Variants in NUP210L observed in about 807,000 individuals in gnomAD.
The protein encoded by NUP210L is nuclear pore membrane glycoprotein 210-like.
In NUP210L, 74 loss-of-function variants were observed where a neutral mutation model predicts 208.5. The observed-to-expected ratio is 0.35, with a 90% CI of 0.29 to 0.43. NUP210L has a LOEUF of 0.43. Ranked by LOEUF, NUP210L falls within the 20% of genes least tolerant of loss-of-function variation. The pLI, the probability that NUP210L is intolerant of heterozygous loss-of-function variation, is 1.00. For synonymous variants in NUP210L, 780 were observed against 816.9 expected, an observed-to-expected ratio of 0.95 and a Z score of 0.77; for missense variants, 1,843 against 2,289.4, an observed-to-expected ratio of 0.81 and a Z score of 3.98.
At chr1:154,100,022 T>C (rs1458276831) in exon 14 of NUP210L, 1 of 1,614,036 alleles carries the variant, frequency 6.2e-7, no homozygotes, top group Non-Finnish European at 8.5e-7. Context: ...AAGCAGCAAA[T>C]GTAGCACTGC....
At chr1:154,053,270 C>T (rs1653626145) in intron 25 of NUP210L, among the ~76,000 whole-genome samples, 1 of 152,196 alleles carries the variant, frequency 6.6e-6, no homozygotes, top group Admixed American at 6.5e-5. Context: ...CACTTGGAGG[C>T]TCTGTGATTT....
At chr1:154,027,102 AAAAAAAAAC>A (rs1651935446) in intron 29 of NUP210L, among the ~76,000 whole-genome samples, 1 of 149,534 alleles carries the variant, frequency 6.7e-6, no homozygotes, top group African/African-American at 2.5e-5. Flanking sequence ...AAAAACAAAA[AAAAAAAAAC>A]AAAAAACACA....
chr1:154,066,562 G>A lies in NUP210L; in HGVS notation c.2554+3711C>T, dbSNP rs547457445. Reference sequence around the variant, plus strand: ...GGAGGCGAAGCTTGCAGTGAGCTGAGATAGTGCCCCTGCACTCCGGCTTGG... The same window carrying A: ...GGAGGCGAAGCTTGCAGTGAGCTGAAATAGTGCCCCTGCACTCCGGCTTGG... On this transcript the variant is annotated intron_variant, in intron 17 of 39. Transcript: ENST00000368559. Among the ~76,000 whole-genome samples the A allele has an allele frequency of 5.9e-5, 9 of 152,346 alleles. No individual in the cohort carries two copies. The South Asian group carries it at 1.9e-3, about 32-fold the overall frequency.
At chr1:154,151,808 T>C (rs1390427403) in intron 2 of NUP210L, among the ~76,000 whole-genome samples, 2 of 151,894 alleles carry the variant, frequency 1.3e-5, no homozygotes, top group Non-Finnish European at 2.9e-5. Context: ...GAAAATGCTG[T>C]CCGGGCACGG....
intron 16 of NUP210L, among the ~76,000 whole-genome samples, chr1:154,084,855 T>C (rs1655540964): frequency 1.3e-5 from 2 of 149,078 alleles, no homozygotes; most frequent in Admixed American, 6.7e-5. Context: ...CTAATCACAG[T>C]GGAGTGAAAT....
At chr1:154,036,179 T>G (rs1015653739) in intron 27 of NUP210L, among the ~76,000 whole-genome samples, 6 of 152,078 alleles carry the variant, frequency 3.9e-5, no homozygotes, top group Non-Finnish European at 7.4e-5. Flanking sequence ...TACCCTGTGT[T>G]TGTATAGTTT....
chr1:154,154,996 A>C (rs1558016198), exon 1 of NUP210L: 1 of 1,613,800 alleles, frequency 6.2e-7, no homozygotes, highest in South Asian at 1.1e-5. Context: ...CGCAAGAAGA[A>C]AAAGAGCCCG....
At chr1:154,034,002 C>A (rs1184395171) in intron 27 of NUP210L, among the ~76,000 whole-genome samples, 1 of 152,120 alleles carries the variant, frequency 6.6e-6, no homozygotes, top group East Asian at 1.9e-4. Context: ...CAGCTCACTG[C>A]AACCTCTGCC....
chr1:154,070,297 C>T, exon 17 of NUP210L: 1 of 1,609,102 alleles, frequency 6.2e-7, no homozygotes, highest in East Asian at 2.2e-5. Flanking sequence ...TGCCCACTGC[C>T]ATCATCTTTT....
chr1:154,138,341 AT>A, intron 5 of NUP210L, 103 bp from the exon 6 acceptor site: 1 of 1,050,974 alleles, frequency 9.5e-7, no homozygotes, highest in Non-Finnish European at 1.3e-6. Flanking sequence ...TTCTTTTAAA[AT>A]TTTTTATAAA....
At chr1:154,056,535 C>A (rs940243556) in intron 23 of NUP210L, among the ~76,000 whole-genome samples, 11 of 152,070 alleles carry the variant, frequency 7.2e-5, no homozygotes, top group Non-Finnish European at 1.5e-4. Context: ...CTACTTTAGC[C>A]TCTTGAGTAG....
At chr1:154,050,448 T>C (rs1255990856) in intron 25 of NUP210L, among the ~76,000 whole-genome samples, 1 of 152,202 alleles carries the variant, frequency 6.6e-6, no homozygotes, top group Non-Finnish European at 1.5e-5. Context: ...GATTTGCTAA[T>C]GTTTTCAATT....
intron 13 of NUP210L, 23 bp downstream of exon 13, chr1:154,103,989 G>A (rs1025861568): frequency 1.9e-6 from 3 of 1,552,852 alleles, no homozygotes; most frequent in African/African-American, 2.7e-5. Flanking sequence ...AAAGGAAGGA[G>A]AAGATAAAAA....
At chr1:154,031,552 C>T (rs1334803382) in intron 27 of NUP210L, among the ~76,000 whole-genome samples, 3 of 147,548 alleles carry the variant, frequency 2.0e-5, no homozygotes, top group African/African-American at 7.6e-5. Context: ...TTCCAGCCTC[C>T]AGTAACCATC....
intron 2 of NUP210L, among the ~76,000 whole-genome samples, chr1:154,151,157 T>C (rs1211805193): frequency 1.3e-5 from 2 of 151,948 alleles, no homozygotes; most frequent in Non-Finnish European, 2.9e-5. Flanking sequence ...ATTTTAAAAA[T>C]CGCATATGTG....
intron 16 of NUP210L, among the ~76,000 whole-genome samples, chr1:154,076,688 A>G (rs1208859383): frequency 6.6e-6 from 1 of 152,164 alleles, no homozygotes; most frequent in African/African-American, 2.4e-5. Context: ...AAAAGAAAAA[A>G]GAATGAAAAA....
intron 10 of NUP210L, among the ~76,000 whole-genome samples, chr1:154,122,075 T>C (rs1199223535): frequency 1.3e-5 from 2 of 152,068 alleles, no homozygotes; most frequent in East Asian, 3.8e-4. Context: ...GAGACATAAA[T>C]GACCAATATC....
At chr1:153,996,147 C>T (rs993674480) in intron 37 of NUP210L, among the ~76,000 whole-genome samples, 5 of 151,922 alleles carry the variant, frequency 3.3e-5, no homozygotes, top group Non-Finnish European at 5.9e-5. Flanking sequence ...AAAAAATTAG[C>T]TGGGTGTGGT....
At chr1:154,058,283 G>C in intron 21 of NUP210L, 67 bp from the exon 22 acceptor site, 1 of 1,540,562 alleles carries the variant, frequency 6.5e-7, no homozygotes, top group Non-Finnish European at 8.9e-7. Context: ...CTAACTCTTA[G>C]AGGGCAGTGT....
Sources: gnomAD v4.1 joint callset for allele counts (sites outside exome capture counted in the v4.1 genomes callset) on GRCh38, gnomAD v4.1.1 for gene constraint, MANE v1.5 for transcripts, NCBI Gene and HGNC (gene_info 2026-07-23, HGNC 2026-07-21) for gene names.